The following LRP1B variants were observed in gnomAD, a reference collection of about 807,000 sequenced individuals.
LRP1B encodes the protein low-density lipoprotein receptor-related protein 1B.
Under a neutral mutation model 556.6 loss-of-function variants are expected in LRP1B, and 217 were observed. The ratio of observed to expected loss-of-function variants is 0.39; its 90% CI spans 0.35 to 0.44. The LOEUF (loss-of-function observed/expected upper bound fraction) is 0.44. LRP1B is among the 20% of genes least tolerant of loss of function. The pLI is 1.00. For synonymous variants in LRP1B, 2,047 were observed against 1,865.8 expected (o/e 1.10, Z -2.50); for missense variants, 5,053 against 5,620.8 (o/e 0.90, Z 3.23).
At chr2:141,078,979 T>C (rs1917701) in intron 7 of LRP1B, among the ~76,000 whole-genome samples, 9,013 of 152,172 alleles carry the variant, frequency 0.059, 340 homozygotes, top group Middle Eastern at 0.12. Flanking sequence ...AGGATCATGC[T>C]GATAAGTAAT....
At chr2:140,604,141 TC>T (rs943781829) in intron 41 of LRP1B, among the ~76,000 whole-genome samples, 7 of 151,938 alleles carry the variant, frequency 4.6e-5, no homozygotes, top group African/African-American at 1.7e-4. Flanking sequence ...AGGGCTAAAT[TC>T]TTGGAACTCA....
At chr2:140,558,393 A>G (rs913634208) in intron 43 of LRP1B, among the ~76,000 whole-genome samples, 3 of 152,226 alleles carry the variant, frequency 2.0e-5, no homozygotes, top group Admixed American at 6.5e-5. Context: ...GTATACCCAT[A>G]TCATAGAATA....
At chr2:141,500,878 G>A (rs1683688788) in intron 2 of LRP1B, among the ~76,000 whole-genome samples, 1 of 152,026 alleles carries the variant, frequency 6.6e-6, no homozygotes, top group South Asian at 2.1e-4. Context: ...CAAGATCATT[G>A]CCACAGTTAT....
At chr2:141,100,254 A>G (rs1922706) in intron 7 of LRP1B, among the ~76,000 whole-genome samples, 66,869 of 152,114 alleles carry the variant, frequency 0.44, 15,356 homozygotes, top group Middle Eastern at 0.56. Flanking sequence ...TGCCTAGCAC[A>G]TTGTATAATA....
intron 7 of LRP1B, among the ~76,000 whole-genome samples, chr2:141,183,402 C>T (rs1343237416): frequency 1.3e-5 from 2 of 152,022 alleles, no homozygotes; most frequent in Admixed American, 6.6e-5. Flanking sequence ...AACTTTGATT[C>T]AATCTTTAAT....
At chr2:140,986,130 G>A (rs1244985773) in intron 17 of LRP1B, among the ~76,000 whole-genome samples, 1 of 150,560 alleles carries the variant, frequency 6.6e-6, no homozygotes, top group African/African-American at 2.4e-5. Context: ...TTCCTTGGAT[G>A]AGAGTATCTC....
At chr2:140,403,148 A>T (rs1251913553) in intron 66 of LRP1B, among the ~76,000 whole-genome samples, 1 of 152,170 alleles carries the variant, frequency 6.6e-6, no homozygotes, top group Admixed American at 6.5e-5. Flanking sequence ...ATCAAAAATA[A>T]ATTTAAAAAC....
intron 3 of LRP1B, among the ~76,000 whole-genome samples, chr2:141,330,967 C>G (rs1687616940): frequency 1.3e-5 from 2 of 152,022 alleles, no homozygotes; most frequent in Non-Finnish European, 2.9e-5. Flanking sequence ...ACCGTGTTAG[C>G]CAAGATGGTC....
intron 20 of LRP1B, among the ~76,000 whole-genome samples, chr2:140,937,079 A>G (rs930777333): frequency 4.6e-5 from 7 of 152,154 alleles, no homozygotes; most frequent in African/African-American, 1.7e-4. Context: ...CATGATAACC[A>G]CAAAGATAAT....
intron 23 of LRP1B, among the ~76,000 whole-genome samples, chr2:140,892,314 C>G (rs180939783): frequency 2.0e-5 from 3 of 151,920 alleles, no homozygotes; most frequent in African/African-American, 4.8e-5. Context: ...GGTGACTGAA[C>G]GGAGGCAGTA....
intron 3 of LRP1B, among the ~76,000 whole-genome samples, chr2:141,333,539 A>T (rs1448787170): frequency 6.6e-6 from 1 of 152,188 alleles, no homozygotes; most frequent in African/African-American, 2.4e-5. Context: ...TAACAGTAAA[A>T]ATGGTAGCTC....
intron 1 of LRP1B, among the ~76,000 whole-genome samples, chr2:142,077,767 A>G (rs921815955): frequency 2.6e-5 from 4 of 152,096 alleles, no homozygotes; most frequent in Non-Finnish European, 5.9e-5. Flanking sequence ...TTTGTCTTCA[A>G]TGATCTCTAG....
At chr2:141,269,711 A>C (rs757692907) in intron 3 of LRP1B, among the ~76,000 whole-genome samples, 7 of 152,194 alleles carry the variant, frequency 4.6e-5, no homozygotes, top group Non-Finnish European at 7.4e-5. Flanking sequence ...AATACATTAC[A>C]TAAAATTCTT....
intron 58 of LRP1B, among the ~76,000 whole-genome samples, chr2:140,486,474 G>T (rs1313584075): frequency 6.6e-6 from 1 of 151,462 alleles, no homozygotes; most frequent in Admixed American, 6.6e-5. Context: ...TAAATTTAAG[G>T]GAATAAAGAT....
At chr2:141,802,213 T>C (rs1408262417) in intron 2 of LRP1B, among the ~76,000 whole-genome samples, 1 of 152,144 alleles carries the variant, frequency 6.6e-6, no homozygotes, top group East Asian at 1.9e-4. Context: ...AAAATGTGTC[T>C]CAGTTTGAGG....
intron 2 of LRP1B, among the ~76,000 whole-genome samples, chr2:141,615,055 A>T (rs1174794483): frequency 1.3e-5 from 2 of 152,110 alleles, no homozygotes; most frequent in East Asian, 3.9e-4. Flanking sequence ...ATGTTAGAGG[A>T]CCTTCTAGTG....
At chr2:140,940,361 A>C (rs918812263) in intron 20 of LRP1B, among the ~76,000 whole-genome samples, 3 of 152,178 alleles carry the variant, frequency 2.0e-5, no homozygotes, top group African/African-American at 7.2e-5. Context: ...ATTCAGATGA[A>C]TTAAACTGTC....
rs559699002 is a variant in LRP1B, at chr2:141,919,420, T to C, written c.83-109019A>G. Among the ~76,000 whole-genome samples the C allele has an allele frequency of 3.0e-4, 45 of 152,196 alleles. 2 individuals carry two copies. The East Asian group carries it at 8.7e-3, about 29-fold the overall frequency. On this transcript the variant is annotated intron_variant, in intron 1 of 90. Coordinates refer to ENST00000389484, the MANE Select transcript of LRP1B (RefSeq NM_018557.3). The stretch of plus-strand genomic sequence containing the variant: ...ATATAAGAAATGAAGCAGTGTTAGA[T>C]TAATAAGTTATTCTAAATTGGAGAA...
chr2:141,775,985 G>A (rs1695057566), intron 2 of LRP1B, among the ~76,000 whole-genome samples: 1 of 151,580 alleles, frequency 6.6e-6, no homozygotes, highest in African/African-American at 2.4e-5. Context: ...TGGGACTACA[G>A]GTGCCCGTCA....
Sources: allele counts gnomAD v4.1 joint callset (sites outside exome capture counted in the v4.1 genomes callset), GRCh38; gene constraint gnomAD v4.1.1; transcripts MANE v1.5; gene names NCBI Gene and HGNC (gene_info 2026-07-23, HGNC 2026-07-21).